Variants in GRID2 observed in about 807,000 individuals in gnomAD.
The protein encoded by GRID2 is glutamate ionotropic receptor delta type subunit 2, also known as glutamate receptor ionotropic, delta-2.
GRID2 carries 33 observed loss-of-function variants against 114.8 expected under a neutral mutation model. That is an observed-to-expected ratio of 0.29 (90% CI 0.22 to 0.38). The LOEUF (loss-of-function observed/expected upper bound fraction) is 0.38, where lower values mean the gene tolerates loss of function less well. Among genes scored for constraint, GRID2 ranks in the 10% least tolerant of loss-of-function variants. The pLI is 1.00. For missense variants in GRID2, 1,184 were observed against 1,257.7 expected (o/e 0.94, Z 0.89); for synonymous variants, 505 against 449.9 (o/e 1.12, Z -1.55).
intron 11 of GRID2, among the ~76,000 whole-genome samples, chr4:93,459,269 CATAATT>C (rs772352703): frequency 7.3e-5 from 10 of 137,142 alleles, no homozygotes; most frequent in South Asian, 2.5e-4. Context: ...AGAGTGAAAA[CATAATT>C]ATAAATGAGT....
intron 2 of GRID2, among the ~76,000 whole-genome samples, chr4:93,012,247 C>T (rs569719726): frequency 1.2e-3 from 176 of 152,062 alleles, no homozygotes; most frequent in Non-Finnish European, 1.8e-3. Flanking sequence ...TTGCACTTCC[C>T]TCTTTGCCCT....
At chr4:93,118,890 T>C (rs1480684649) in intron 4 of GRID2, among the ~76,000 whole-genome samples, 1 of 152,206 alleles carries the variant, frequency 6.6e-6, no homozygotes, top group Non-Finnish European at 1.5e-5. Context: ...CTGTTTTCTA[T>C]ACTTTATAAG....
chr4:93,802,057 A>C (rs1397435600), intron 1 of GRID2, among the ~76,000 whole-genome samples: 1 of 152,220 alleles, frequency 6.6e-6, no homozygotes, highest in Non-Finnish European at 1.5e-5. Flanking sequence ...CTTTCTGTCT[A>C]TTGTACAGTA....
At chr4:92,591,367 T>C (rs1728700093) in intron 2 of GRID2, among the ~76,000 whole-genome samples, 1 of 152,178 alleles carries the variant, frequency 6.6e-6, no homozygotes, top group Non-Finnish European at 1.5e-5. Flanking sequence ...TTACTTAGCC[T>C]GAGGTATTTT....
At chr4:92,359,559 CAT>C (rs974649044) in intron 1 of GRID2, among the ~76,000 whole-genome samples, 1 of 152,106 alleles carries the variant, frequency 6.6e-6, no homozygotes, top group Admixed American at 6.6e-5. Flanking sequence ...ATTTACTAAA[CAT>C]GTGTTATGCT....
chr4:93,365,525 A>G (rs1560543188), intron 8 of GRID2, among the ~76,000 whole-genome samples: 2 of 152,204 alleles, frequency 1.3e-5, no homozygotes, highest in East Asian at 3.9e-4. Flanking sequence ...CTCAGTGACT[A>G]AATCTTCCAA....
intron 14 of GRID2, among the ~76,000 whole-genome samples, chr4:93,757,304 G>T (rs1333177263): frequency 6.6e-6 from 1 of 152,192 alleles, no homozygotes; most frequent in Non-Finnish European, 1.5e-5. Flanking sequence ...GCGTGGTTCT[G>T]GTTCTCCCCA....
chr4:93,735,314 A>G (rs1035300947), intron 14 of GRID2, among the ~76,000 whole-genome samples: 2 of 152,032 alleles, frequency 1.3e-5, no homozygotes, highest in African/African-American at 4.8e-5. Context: ...GTTATTCAAA[A>G]AGGACTTTTT....
At chr4:92,584,527 C>T (rs1728332012) in intron 1 of GRID2, among the ~76,000 whole-genome samples, 1 of 151,942 alleles carries the variant, frequency 6.6e-6, no homozygotes, top group Non-Finnish European at 1.5e-5. Context: ...TTTATTTTAA[C>T]TTCCTAAACT....
chr4:92,912,253 T>G (rs1578447953), intron 2 of GRID2, among the ~76,000 whole-genome samples: 1 of 151,882 alleles, frequency 6.6e-6, no homozygotes, highest in South Asian at 2.1e-4. Flanking sequence ...AAGGGTATAC[T>G]ACACATGATG....
intron 1 of GRID2, among the ~76,000 whole-genome samples, chr4:92,498,361 G>A (rs1222461068): frequency 6.6e-6 from 1 of 151,814 alleles, no homozygotes; most frequent in African/African-American, 2.4e-5. Flanking sequence ...GAAGAACTTT[G>A]TGCAGTAAGA....
At chr4:93,114,966 A>G (rs750054008) in intron 4 of GRID2, among the ~76,000 whole-genome samples, 1 of 152,198 alleles carries the variant, frequency 6.6e-6, no homozygotes, top group Non-Finnish European at 1.5e-5. Context: ...CTCATGCTAC[A>G]GAGAGCTTAG....
At chr4:93,805,731 TTC>T (rs1363183289) in intron 1 of GRID2, among the ~76,000 whole-genome samples, 1 of 152,222 alleles carries the variant, frequency 6.6e-6, no homozygotes, top group African/African-American at 2.4e-5. Context: ...CAGTTTTTGA[TTC>T]TGTTATTTAA....
At chr4:93,064,164 A>T (rs1337614510) in intron 2 of GRID2, among the ~76,000 whole-genome samples, 1 of 150,296 alleles carries the variant, frequency 6.7e-6, no homozygotes, top group Admixed American at 6.7e-5. Context: ...AGTTGGTGCA[A>T]AAGTAATTGC....
intron 2 of GRID2, among the ~76,000 whole-genome samples, chr4:92,759,332 C>T (rs1001888195): frequency 6.6e-6 from 1 of 152,024 alleles, no homozygotes; most frequent in Non-Finnish European, 1.5e-5. Flanking sequence ...GTCAAGTTGG[C>T]CTTGTTGCTT....
chr4:92,683,247 G>T (rs549596549), intron 2 of GRID2, among the ~76,000 whole-genome samples: 1 of 151,936 alleles, frequency 6.6e-6, no homozygotes, highest in East Asian at 1.9e-4. Context: ...TGCAGTGAGT[G>T]GAGATCGCGC....
chr4:93,075,701 TTAAAA>T lies in GRID2; in HGVS notation c.245-9291_245-9287del, dbSNP rs528534838. Among the ~76,000 whole-genome samples the T allele has an allele frequency of 1.7e-3, 257 of 152,006 alleles. 1 individual carries two copies. The highest frequency in any genetic ancestry group is 3.7e-3 in the African/African-American group (153 of 41,496). On this transcript the variant is annotated intron_variant, in intron 2 of 15. Coordinates refer to ENST00000282020, the MANE Select transcript of GRID2 (RefSeq NM_001510.4). ...TTGGAAATTAAAATAAAAGTACCAC[TTAAAA>T]TAGAATATAAAAGTATAAAATACTT...
intron 9 of GRID2, among the ~76,000 whole-genome samples, chr4:93,415,134 T>A (rs1304932866): frequency 5.3e-5 from 8 of 152,122 alleles, no homozygotes; most frequent in Admixed American, 5.2e-4. Flanking sequence ...ATCATCACCA[T>A]TCTGAAGTCA....
intron 2 of GRID2, among the ~76,000 whole-genome samples, chr4:92,902,237 A>T (rs1268062190): frequency 6.6e-6 from 1 of 152,032 alleles, no homozygotes; most frequent in Non-Finnish European, 1.5e-5. Context: ...GTGTAGAGAT[A>T]TTCATAGTAG....
Sources: gnomAD v4.1 joint callset for allele counts (sites outside exome capture counted in the v4.1 genomes callset) on GRCh38, gnomAD v4.1.1 for gene constraint, MANE v1.5 for transcripts, NCBI Gene and HGNC (gene_info 2026-07-23, HGNC 2026-07-21) for gene names.